PPP3CA: variants seen among roughly 807,000 people sequenced by gnomAD.
PPP3CA encodes protein phosphatase 3 catalytic subunit alpha.
In PPP3CA, 14 loss-of-function variants were observed where a neutral mutation model predicts 66.5. The observed-to-expected ratio is 0.21, with a 90% CI of 0.14 to 0.33. The LOEUF is 0.33. PPP3CA is among the 10% of genes least tolerant of loss of function. PPP3CA has a pLI of 1.00. For synonymous variants in PPP3CA, 232 were observed against 226.2 expected (o/e 1.03, Z -0.23); for missense variants, 317 against 639.5 (o/e 0.50, Z 5.44).
At chr4:101,031,063 G>GTCTT (rs1726932828) in intron 12 of PPP3CA, among the ~76,000 whole-genome samples, 1 of 130,008 alleles carries the variant, frequency 7.7e-6, no homozygotes, top group African/African-American at 2.6e-5. Flanking sequence ...AAAAATTTTT[G>GTCTT]TCTTTTTGTA....
chr4:101,290,656 C>G (rs1244572452), intron 1 of PPP3CA, among the ~76,000 whole-genome samples: 3 of 152,100 alleles, frequency 2.0e-5, no homozygotes, highest in Non-Finnish European at 4.4e-5. Flanking sequence ...AGACAGACAA[C>G]CCAGTACAAG....
At chr4:101,224,327 T>C (rs888402621) in intron 1 of PPP3CA, among the ~76,000 whole-genome samples, 12 of 151,762 alleles carry the variant, frequency 7.9e-5, no homozygotes, top group Admixed American at 2.6e-4. Context: ...TCAAAATTAT[T>C]TTTTCTTTCA....
intron 9 of PPP3CA, among the ~76,000 whole-genome samples, chr4:101,061,710 A>T (rs1341876535): frequency 6.6e-6 from 1 of 152,048 alleles, no homozygotes; most frequent in Non-Finnish European, 1.5e-5. Flanking sequence ...ATTAAATTTG[A>T]TTTTCAAAAA....
chr4:101,042,868 T>C (rs868277668), intron 10 of PPP3CA, among the ~76,000 whole-genome samples: 1 of 151,226 alleles, frequency 6.6e-6, no homozygotes, highest in African/African-American at 2.4e-5. Context: ...TTCCTATACA[T>C]GTATATATAT....
At chr4:101,173,599 T>C (rs1434441152) in intron 2 of PPP3CA, among the ~76,000 whole-genome samples, 2 of 152,044 alleles carry the variant, frequency 1.3e-5, no homozygotes, top group Non-Finnish European at 2.9e-5. Context: ...AGAGATGAGG[T>C]CCCTCTGCAA....
At chr4:101,093,654 G>T in intron 6 of PPP3CA, 122 bp downstream of exon 6, 1 of 1,009,618 alleles carries the variant, frequency 9.9e-7, no homozygotes, top group Non-Finnish European at 1.4e-6. Context: ...ATAAATGCTA[G>T]TGAGCCTTTC....
At chr4:101,227,318 T>C (rs1386102060) in intron 1 of PPP3CA, among the ~76,000 whole-genome samples, 1 of 151,830 alleles carries the variant, frequency 6.6e-6, no homozygotes, top group Non-Finnish European at 1.5e-5. Flanking sequence ...TTTTTCTTCA[T>C]AATCTGCTAC....
chr4:101,254,486 C>A (rs1039165104), intron 1 of PPP3CA, among the ~76,000 whole-genome samples: 1 of 151,754 alleles, frequency 6.6e-6, no homozygotes, highest in Admixed American at 6.6e-5. Flanking sequence ...TCACTTTTTT[C>A]AGGCTCTAAA....
At chr4:101,172,628 A>G (rs1723922862) in intron 2 of PPP3CA, among the ~76,000 whole-genome samples, 1 of 152,022 alleles carries the variant, frequency 6.6e-6, no homozygotes, top group Non-Finnish European at 1.5e-5. Context: ...TTCTAAGCAC[A>G]TGTGGTCCCT....
intron 2 of PPP3CA, among the ~76,000 whole-genome samples, chr4:101,172,736 A>C (rs1295097297): frequency 1.3e-5 from 2 of 152,108 alleles, no homozygotes; most frequent in African/African-American, 4.8e-5. Context: ...ATCAGGACAA[A>C]TTCTAACTTA....
At chr4:101,099,269 G>A (rs1306505065) in intron 4 of PPP3CA, among the ~76,000 whole-genome samples, 1 of 152,066 alleles carries the variant, frequency 6.6e-6, no homozygotes, top group East Asian at 1.9e-4. Context: ...GAGGCATAGG[G>A]TTGAATTTGC....
intron 12 of PPP3CA, among the ~76,000 whole-genome samples, chr4:101,031,189 C>T (rs1215566197): frequency 6.6e-6 from 1 of 151,946 alleles, no homozygotes; most frequent in Non-Finnish European, 1.5e-5. Flanking sequence ...GATCATTACT[C>T]TTCATGTAGA....
intron 2 of PPP3CA, among the ~76,000 whole-genome samples, chr4:101,139,342 C>T (rs1262197462): frequency 5.2e-4 from 52 of 99,762 alleles, no homozygotes; most frequent in Non-Finnish European, 6.6e-4. Context: ...AGTGAGACTC[C>T]GTCTCAAAAA....
intron 10 of PPP3CA, among the ~76,000 whole-genome samples, chr4:101,054,421 G>C (rs78334379): frequency 0.014 from 2,109 of 151,978 alleles, 53 homozygotes; most frequent in African/African-American, 0.048. Flanking sequence ...TAATGATTTG[G>C]GGGTAATTCC....
intron 10 of PPP3CA, among the ~76,000 whole-genome samples, chr4:101,051,174 T>C (rs1439404485): frequency 1.3e-5 from 2 of 152,094 alleles, no homozygotes; most frequent in Non-Finnish European, 2.9e-5. Flanking sequence ...TTATATCTTC[T>C]CATGAGCTAA....
At chr4:101,329,368 G>A (rs1255512705) in intron 1 of PPP3CA, among the ~76,000 whole-genome samples, 6 of 152,218 alleles carry the variant, frequency 3.9e-5, no homozygotes, top group Admixed American at 3.9e-4. Context: ...AGAAAAAGTT[G>A]GAAATTAGCA....
chr4:101,042,893 A>G (rs2110212477), intron 10 of PPP3CA, among the ~76,000 whole-genome samples: 1 of 148,860 alleles, frequency 6.7e-6, no homozygotes, highest in Admixed American at 6.8e-5. Flanking sequence ...CAGTTATTCC[A>G]TTCAATGATG....
intron 2 of PPP3CA, among the ~76,000 whole-genome samples, chr4:101,147,288 G>A (rs1214144129): frequency 6.6e-6 from 1 of 152,004 alleles, no homozygotes; most frequent in East Asian, 1.9e-4. Context: ...ATTAAATTCT[G>A]GCTTAATTTC....
At chr4:101,204,879 T>C (rs903925106) in intron 1 of PPP3CA, among the ~76,000 whole-genome samples, 18 of 151,352 alleles carry the variant, frequency 1.2e-4, no homozygotes, top group Admixed American at 2.6e-4. Flanking sequence ...ATTGTTGTTT[T>C]ATACAAGTCT....
Sources: allele counts gnomAD v4.1 joint callset (sites outside exome capture counted in the v4.1 genomes callset), GRCh38; gene constraint gnomAD v4.1.1; transcripts MANE v1.5; gene names NCBI Gene and HGNC (gene_info 2026-07-23, HGNC 2026-07-21).